Variants in ST6GALNAC3 observed in about 807,000 individuals in gnomAD.
The protein encoded by ST6GALNAC3 is alpha-N-acetylgalactosaminide alpha-2,6-sialyltransferase 3.
In ST6GALNAC3, 25 loss-of-function variants were observed where a neutral mutation model predicts 32.7. That is an observed-to-expected ratio of 0.76 (90% CI 0.56 to 1.07). The LOEUF (loss-of-function observed/expected upper bound fraction) is 1.07. ST6GALNAC3 is among the 50% of genes least tolerant of loss of function. The pLI is 0.00. For synonymous variants in ST6GALNAC3, 129 were observed against 133.1 expected, an observed-to-expected ratio of 0.97 and a Z score of 0.21; for missense variants, 355 against 382.4, an observed-to-expected ratio of 0.93 and a Z score of 0.60.
intron 1 of ST6GALNAC3, among the ~76,000 whole-genome samples, chr1:76,135,380 A>G (rs2100248798): frequency 6.6e-6 from 1 of 152,306 alleles, no homozygotes; most frequent in Non-Finnish European, 1.5e-5. Flanking sequence ...TTAAAAATGA[A>G]CCAAATATTG....
intron 1 of ST6GALNAC3, among the ~76,000 whole-genome samples, chr1:76,191,734 T>C (rs1041850964): frequency 6.6e-6 from 1 of 152,144 alleles, no homozygotes; most frequent in Non-Finnish European, 1.5e-5. Context: ...GCTAGAGGGC[T>C]GAGATGTGGT....
intron 1 of ST6GALNAC3, among the ~76,000 whole-genome samples, chr1:76,246,778 A>G (rs1431511912): frequency 1.3e-5 from 2 of 152,110 alleles, no homozygotes; most frequent in Non-Finnish European, 2.9e-5. Flanking sequence ...GGAGTTTGTT[A>G]TTACCCACCT....
intron 3 of ST6GALNAC3, among the ~76,000 whole-genome samples, chr1:76,564,908 T>G (rs554327865): frequency 6.6e-6 from 1 of 152,272 alleles, no homozygotes; most frequent in Admixed American, 6.5e-5. Context: ...TTTTGATGAA[T>G]TTTTACCTTC....
chr1:76,284,889 C>A (rs2100798087), intron 1 of ST6GALNAC3, among the ~76,000 whole-genome samples: 1 of 152,150 alleles, frequency 6.6e-6, no homozygotes, highest in Middle Eastern at 3.4e-3. Context: ...ATATGAGATA[C>A]CAAGGCATCC....
chr1:76,401,946 G>A (rs973947412), intron 2 of ST6GALNAC3, among the ~76,000 whole-genome samples: 1 of 152,112 alleles, frequency 6.6e-6, no homozygotes, highest in Non-Finnish European at 1.5e-5. Flanking sequence ...TGGGGCAAAA[G>A]CAGATTTTAG....
At chr1:76,188,550 T>C (rs1653711753) in intron 1 of ST6GALNAC3, among the ~76,000 whole-genome samples, 1 of 152,128 alleles carries the variant, frequency 6.6e-6, no homozygotes, top group Admixed American at 6.5e-5. Context: ...GTTGACAAGG[T>C]AAAGTTGACC....
chr1:76,262,494 A>G (rs982188593), intron 1 of ST6GALNAC3, among the ~76,000 whole-genome samples: 7 of 152,222 alleles, frequency 4.6e-5, no homozygotes, highest in African/African-American at 1.4e-4. Context: ...GTCAATTCTA[A>G]TGTCTTTCTA....
intron 2 of ST6GALNAC3, among the ~76,000 whole-genome samples, chr1:76,387,000 C>T (rs1652149326): frequency 6.6e-6 from 1 of 152,118 alleles, no homozygotes; most frequent in Non-Finnish European, 1.5e-5. Flanking sequence ...GGTATTTCAT[C>T]TTACTGCATT....
intron 1 of ST6GALNAC3, among the ~76,000 whole-genome samples, chr1:76,157,531 A>G: frequency 6.6e-6 from 1 of 152,164 alleles, no homozygotes; most frequent in Middle Eastern, 3.2e-3. Flanking sequence ...ACATTTCCAA[A>G]GCCACTTAAA....
At chr1:76,422,252 G>A (rs368849704) in intron 3 of ST6GALNAC3, among the ~76,000 whole-genome samples, 10 of 151,902 alleles carry the variant, frequency 6.6e-5, no homozygotes, top group Non-Finnish European at 1.3e-4. Context: ...AGGCAAACTT[G>A]CAAAAAGTTA....
chr1:76,237,411 C>T (rs747267829), intron 1 of ST6GALNAC3, among the ~76,000 whole-genome samples: 9 of 152,118 alleles, frequency 5.9e-5, no homozygotes, highest in Admixed American at 3.9e-4. Flanking sequence ...GGATTACATA[C>T]GCCTGGTGTG....
At chr1:76,165,015 G>A (rs2100393404) in intron 1 of ST6GALNAC3, among the ~76,000 whole-genome samples, 1 of 152,224 alleles carries the variant, frequency 6.6e-6, no homozygotes, top group Admixed American at 6.5e-5. Flanking sequence ...TGTCTCAAGG[G>A]GGTTTGTTGT....
At chr1:76,541,089 G>A (rs1232212744) in intron 3 of ST6GALNAC3, among the ~76,000 whole-genome samples, 1 of 152,108 alleles carries the variant, frequency 6.6e-6, no homozygotes, top group Non-Finnish European at 1.5e-5. Flanking sequence ...GTAGCCTTCA[G>A]GTGAAAAATA....
intron 1 of ST6GALNAC3, among the ~76,000 whole-genome samples, chr1:76,104,227 A>G (rs778698319): frequency 4.6e-5 from 7 of 152,018 alleles, no homozygotes; most frequent in Non-Finnish European, 8.8e-5. Context: ...TATTCGTACA[A>G]TTTTTTACAG....
At chr1:76,124,588 C>T (rs1570078201) in intron 1 of ST6GALNAC3, among the ~76,000 whole-genome samples, 1 of 152,184 alleles carries the variant, frequency 6.6e-6, no homozygotes. Context: ...GTCATCTGCT[C>T]TACTCTTCAG....
At chr1:76,517,293 T>TA (rs1396430548) in intron 3 of ST6GALNAC3, among the ~76,000 whole-genome samples, 1 of 151,880 alleles carries the variant, frequency 6.6e-6, no homozygotes, top group Non-Finnish European at 1.5e-5. Context: ...ATATAGATCT[T>TA]ACACATTTTT....
intron 1 of ST6GALNAC3, among the ~76,000 whole-genome samples, chr1:76,193,773 T>C (rs914379656): frequency 3.3e-5 from 5 of 152,206 alleles, no homozygotes; most frequent in African/African-American, 9.7e-5. Context: ...CTTGCAGTTC[T>C]GGAGGCTAGA....
downstream of ST6GALNAC3, chr1:76,636,977 T>A (rs970353171): frequency 1.3e-5 from 2 of 152,106 alleles, no homozygotes; most frequent in Non-Finnish European, 2.9e-5. Flanking sequence ...GAGTTGTAAT[T>A]GATGATAAGA....
chr1:76,100,438 A>G (rs1260239564), intron 1 of ST6GALNAC3, among the ~76,000 whole-genome samples: 5 of 152,156 alleles, frequency 3.3e-5, no homozygotes, highest in Admixed American at 2.6e-4. Context: ...TCTTGCATCT[A>G]TTAAAATTAT....
Sources: allele counts gnomAD v4.1 joint callset (sites outside exome capture counted in the v4.1 genomes callset), GRCh38; gene constraint gnomAD v4.1.1; transcripts MANE v1.5; gene names NCBI Gene and HGNC (gene_info 2026-07-23, HGNC 2026-07-21).